The following GRIA2 variants were observed in gnomAD, a reference collection of about 807,000 sequenced individuals.
GRIA2 encodes glutamate receptor 2.
Under a neutral mutation model 97.3 loss-of-function variants are expected in GRIA2, and 14 were observed. That is an observed-to-expected ratio of 0.14 (90% CI 0.10 to 0.23). The LOEUF is 0.23. Among genes scored for constraint, GRIA2 ranks in the 10% least tolerant of loss-of-function variants. GRIA2 has a pLI of 1.00. For synonymous variants in GRIA2, 412 were observed against 387.8 expected, an observed-to-expected ratio of 1.06 and a Z score of -0.73; for missense variants, 558 against 1,069.8, an observed-to-expected ratio of 0.52 and a Z score of 6.67.
chr4:157,298,447 T>C (rs1733453449), intron 2 of GRIA2, among the ~76,000 whole-genome samples: 1 of 152,032 alleles, frequency 6.6e-6, no homozygotes, highest in African/African-American at 2.4e-5. Flanking sequence ...GCAATAGTTA[T>C]CATGCATGAG....
At chr4:157,220,372 T>C (rs1020626593), upstream of GRIA2, 1 of 152,126 alleles carries the variant, frequency 6.6e-6, no homozygotes, top group Non-Finnish European at 1.5e-5. Flanking sequence ...CGAAGGTAGC[T>C]CCGGGCGGGG....
chr4:157,264,538 AC>A (rs1731682413), intron 2 of GRIA2, among the ~76,000 whole-genome samples: 1 of 152,044 alleles, frequency 6.6e-6, no homozygotes, highest in Non-Finnish European at 1.5e-5. Context: ...CCCATCTCAA[AC>A]TCAGCTCATT....
At chr4:157,266,820 A>G (rs1731792105) in intron 2 of GRIA2, among the ~76,000 whole-genome samples, 1 of 152,044 alleles carries the variant, frequency 6.6e-6, no homozygotes, top group South Asian at 2.1e-4. Flanking sequence ...TAATCCCAGA[A>G]CTTTGAAGTT....
chr4:157,308,275 A>T (rs1179178017), intron 3 of GRIA2, among the ~76,000 whole-genome samples: 4 of 152,176 alleles, frequency 2.6e-5, no homozygotes, highest in Admixed American at 6.5e-5. Context: ...TTTTAGGAAG[A>T]TTGTCATTTT....
At chr4:157,221,644 T>C (rs772407306) in intron 1 of GRIA2, 23 bp from the exon 2 acceptor site, 2 of 1,613,150 alleles carry the variant, frequency 1.2e-6, no homozygotes, top group Non-Finnish European at 1.7e-6. Flanking sequence ...ACTGTTCTCT[T>C]GCTTGCTGTT....
chr4:157,277,882 GTATATATGTATA>G (rs1560743408), intron 2 of GRIA2, among the ~76,000 whole-genome samples: 31 of 140,860 alleles, frequency 2.2e-4, no homozygotes, highest in Non-Finnish European at 2.8e-4. Context: ...GTATATATAT[GTATATATGTATA>G]TATATATGTA....
At chr4:157,228,847 C>CA (rs532240155) in intron 2 of GRIA2, among the ~76,000 whole-genome samples, 1,648 of 139,196 alleles carry the variant, frequency 0.012, 25 homozygotes, top group Non-Finnish European at 0.019. Flanking sequence ...CTCCCCCCAC[C>CA]AAAAAAAAAC....
At chr4:157,330,070 C>T (rs1432050343) in intron 6 of GRIA2, among the ~76,000 whole-genome samples, 1 of 151,950 alleles carries the variant, frequency 6.6e-6, no homozygotes, top group Non-Finnish European at 1.5e-5. Context: ...CTACCTCAGG[C>T]TTGTCACAAA....
intron 2 of GRIA2, among the ~76,000 whole-genome samples, chr4:157,279,679 A>T (rs1471209836): frequency 3.9e-5 from 6 of 152,110 alleles, no homozygotes; most frequent in Admixed American, 3.9e-4. Context: ...TAGATTTTTA[A>T]TCCAATGTTT....
intron 6 of GRIA2, among the ~76,000 whole-genome samples, chr4:157,331,962 C>T (rs1287833245): frequency 4.6e-5 from 7 of 151,934 alleles, no homozygotes; most frequent in Non-Finnish European, 1.0e-4. Context: ...CAAGCTTCGC[C>T]GTACTCTTAG....
chr4:157,269,455 A>G (rs1438534714), intron 2 of GRIA2, among the ~76,000 whole-genome samples: 2 of 152,094 alleles, frequency 1.3e-5, no homozygotes, highest in Non-Finnish European at 2.9e-5. Context: ...TGCTCATTTT[A>G]TAAATTAGTA....
At chr4:157,342,146 A>G in intron 12 of GRIA2, 14 of 962,696 alleles carry the variant, frequency 1.5e-5, no homozygotes, top group Non-Finnish European at 1.6e-5. Flanking sequence ...GAAAATGTTT[A>G]AATACAGCTG....
In GRIA2 at chr4:157,333,028, CA is replaced by C. The variant is rs758369126; in HGVS notation, c.1050+43del. 9.5e-5 allele frequency: 138 copies of C among 1,453,240 alleles called. 1 individual carries two copies. The African/African-American group carries it at 1.8e-3, about 19-fold the overall frequency. The allele number at this position is 1,453,240 out of a possible 1,614,324, so 90.0% of individuals were successfully genotyped here. The stretch of plus-strand genomic sequence containing the variant: ...AATCGTTAACGTGACTTAATATGGC[CA>C]TTAATGTTTTCTTCCTGCTAAATTA... On this transcript the variant is annotated intron_variant, in intron 7 of 15. Transcript: ENST00000264426.
Position 157,335,702 on chromosome 4 carries a change from A to G in GRIA2, c.1298A>G (p.His433Arg). The G allele has an allele frequency of 6.2e-7, 1 of 1,611,474 alleles. No individual in the cohort carries two copies. The highest frequency in any genetic ancestry group is 8.5e-7 in the Non-Finnish European group (1 of 1,177,914). ...CCGTATGTTATGATGAAGAAAAATCATGAAATGCTTGAAGGCAATGAGCGC... is the reference window on the plus strand; with the variant it reads ...CCGTATGTTATGATGAAGAAAAATCGTGAAATGCTTGAAGGCAATGAGCGC... ...ESPYVMMKKN[H>R]EMLEGNERYE... The change falls in exon 10 of 16, where the codon CAT becomes CGT. Residue 433 changes from histidine to arginine, a missense_variant. His to Arg is a conservative substitution (Grantham distance 29, BLOSUM62 0). This residue lies in a region of GRIA2 where 41 missense variants were observed against 102.2 expected (regional missense o/e 0.40). Transcript: ENST00000264426.
At chr4:157,348,390 C>A (rs1735856230) in intron 12 of GRIA2, among the ~76,000 whole-genome samples, 1 of 151,990 alleles carries the variant, frequency 6.6e-6, no homozygotes, top group Non-Finnish European at 1.5e-5. Context: ...AAGTGTTCAC[C>A]ACCATGCTCA....
intron 2 of GRIA2, among the ~76,000 whole-genome samples, chr4:157,237,221 G>A (rs932889048): frequency 6.6e-5 from 10 of 150,612 alleles, no homozygotes; most frequent in South Asian, 6.3e-4. Flanking sequence ...TTTTTCCTTC[G>A]TAAGGTTAGC....
chr4:157,245,443 T>C (rs1730691285), intron 2 of GRIA2, among the ~76,000 whole-genome samples: 1 of 152,114 alleles, frequency 6.6e-6, no homozygotes, highest in African/African-American at 2.4e-5. Context: ...GTCTCCTGAA[T>C]CTTCTCCTAT....
intron 2 of GRIA2, among the ~76,000 whole-genome samples, chr4:157,269,348 G>C (rs1343222581): frequency 6.6e-6 from 1 of 152,020 alleles, no homozygotes; most frequent in Non-Finnish European, 1.5e-5. Flanking sequence ...TGTTAATAAA[G>C]TCCTGTGTTT....
chr4:157,310,844 C>A (rs1169276892), intron 3 of GRIA2, among the ~76,000 whole-genome samples: 1 of 151,916 alleles, frequency 6.6e-6, no homozygotes, highest in East Asian at 1.9e-4. Flanking sequence ...TCTATATATG[C>A]CCTATAACTT....
Sources: allele counts gnomAD v4.1 joint callset (sites outside exome capture counted in the v4.1 genomes callset), GRCh38; gene constraint gnomAD v4.1.1; regional missense constraint gnomAD v4.1.1; transcripts MANE v1.5; gene names NCBI Gene and HGNC (gene_info 2026-07-23, HGNC 2026-07-21).